Variants in MGAT4A observed in about 807,000 individuals in gnomAD.
MGAT4A encodes the protein alpha-1,3-mannosyl-glycoprotein 4-beta-N-acetylglucosaminyltransferase A.
In MGAT4A, 33 loss-of-function variants were observed where a neutral mutation model predicts 74.1. The ratio of observed to expected loss-of-function variants is 0.45; its 90% CI spans 0.34 to 0.60. The LOEUF (loss-of-function observed/expected upper bound fraction) is 0.60. MGAT4A is among the 20% of genes least tolerant of loss of function. The pLI is 0.02. For missense variants in MGAT4A, 479 were observed against 628.3 expected (o/e 0.76, Z 2.54); for synonymous variants, 198 against 210.4 (o/e 0.94, Z 0.51).
Position 98,675,092 on chromosome 2 carries a change from A to C in MGAT4A, c.346T>G (p.Leu116Val). ...GGTTGAAGACTTCCTTCATTTTTCA[A>C]TAAATGAGGCAAATGATAATAAATA... ...PSIYYHLPHL[L>V]KNEGSLQPAV... Residue 116 changes from leucine (L) to valine (V), a missense_variant, in exon 4 of 16, where the codon TTG becomes GTG. Transcript: ENST00000393487. The C allele has an allele frequency of 1.9e-6, 3 of 1,611,934 alleles. No individual in the cohort carries two copies. The highest frequency in any genetic ancestry group is 2.5e-6 in the Non-Finnish European group (3 of 1,179,394).
Position 98,624,900 on chromosome 2 carries a change from A to G in MGAT4A, c.*666T>C, listed in dbSNP as rs1391209045. On this transcript the variant is annotated 3_prime_UTR_variant, in exon 16 of 16. Transcript: ENST00000393487. Reference sequence around the variant, plus strand: ...AAATGTCTTTGAAAATATTTTGTTCAGTCACTGTGATTATAAAAGTACTTC... The same window carrying G: ...AAATGTCTTTGAAAATATTTTGTTCGGTCACTGTGATTATAAAAGTACTTC... 1 of 984,008 alleles carries G rather than the reference A, an allele frequency of 1.0e-6. No homozygotes were observed. The highest frequency in any genetic ancestry group is 1.7e-5 in the African/African-American group (1 of 57,200). 61.0% of individuals were successfully genotyped at this position (984,008 alleles called of 1,614,324 possible). A position where few individuals can be genotyped will look rare whatever the true frequency, so the allele number is the denominator to read the frequency against.
At chr2:98,717,078 G>A (rs1351932366) in intron 2 of MGAT4A, among the ~76,000 whole-genome samples, 1 of 151,940 alleles carries the variant, frequency 6.6e-6, no homozygotes, top group Admixed American at 6.6e-5. Context: ...AAATGTCGAG[G>A]ACATAAAAGA....
In MGAT4A at chr2:98,623,340, T is replaced by A; in HGVS notation, c.*2226A>T. ...AAATCACACCAGGTGCTGCAATAAC[T>A]TTCTCCTCCCTAGATTTTCAGAGCA... On this transcript the variant is annotated 3_prime_UTR_variant, in exon 16 of 16. Transcript: ENST00000393487. 1.0e-6 allele frequency: 1 copy of A among 985,436 alleles called. No homozygotes were observed. Among genetic ancestry groups the A allele is most frequent in the Non-Finnish European group, 1.2e-6 (1 of 829,956 alleles). The allele number at this position is 985,436 out of a possible 1,614,324, so 61.0% of individuals were successfully genotyped here.
intron 2 of MGAT4A, among the ~76,000 whole-genome samples, chr2:98,719,940 C>T (rs1702643838): frequency 6.6e-6 from 1 of 152,154 alleles, no homozygotes; most frequent in South Asian, 2.1e-4. Context: ...AGCCACCATG[C>T]CCAGCCAGGA....
intron 2 of MGAT4A, among the ~76,000 whole-genome samples, chr2:98,692,625 T>C (rs1702210611): frequency 6.6e-6 from 1 of 152,192 alleles, no homozygotes; most frequent in African/African-American, 2.4e-5. Context: ...TCGCCTTTTA[T>C]ACGGTATTTT....
intron 2 of MGAT4A, among the ~76,000 whole-genome samples, chr2:98,687,757 C>T (rs1702147912): frequency 6.6e-6 from 1 of 152,032 alleles, no homozygotes. Flanking sequence ...TTAAACAGTC[C>T]ACTCACTTGC....
At chr2:98,695,101 A>G (rs1023305910) in intron 2 of MGAT4A, 1 of 140,884 alleles carries the variant, frequency 7.1e-6, no homozygotes, top group Non-Finnish European at 1.5e-5. Context: ...CTGTAGTGCA[A>G]TCTCAGCTCA....
chr2:98,664,227 A>T lies in MGAT4A; in HGVS notation c.404-1048T>A, dbSNP rs947652200. Among the ~76,000 whole-genome samples, 21 of 148,192 alleles carry T rather than the reference A, an allele frequency of 1.4e-4. 1 individual carries two copies. The South Asian group carries it at 4.5e-3, about 31-fold the overall frequency. On this transcript the variant is annotated intron_variant, in intron 4 of 15. Transcript: ENST00000393487. ...AAAAAAAAAAAAAAAAAAAAAAAAA[A>T]AAAAGAGAAAACTTTGTGTACTATT...
chr2:98,661,895 A>G (rs1701754698), intron 5 of MGAT4A, among the ~76,000 whole-genome samples: 1 of 150,824 alleles, frequency 6.6e-6, no homozygotes, highest in Non-Finnish European at 1.5e-5. Flanking sequence ...AAGTCATATT[A>G]TTCTTGCCAA....
rs1701011810 is a variant in MGAT4A at position 98,619,400 on chromosome 2, A to T, written c.*6166T>A. ...TTAAGAAAAAAAAAAATCTGGTACA[A>T]CCTGGCAAGGAGATTCCTCAGGCAG... On this transcript the variant is annotated 3_prime_UTR_variant, in exon 16 of 16. Coordinates refer to ENST00000393487, the MANE Select transcript of MGAT4A (RefSeq NM_012214.3). 1 of 152,240 alleles carries T rather than the reference A, an allele frequency of 6.6e-6. No homozygotes were observed. Among genetic ancestry groups the T allele is most frequent in the Non-Finnish European group, 1.5e-5 (1 of 68,028 alleles). 9.4% of individuals were successfully genotyped at this position (152,240 alleles called of 1,614,324 possible).
intron 2 of MGAT4A, among the ~76,000 whole-genome samples, chr2:98,686,878 C>T (rs1362637861): frequency 6.6e-6 from 1 of 152,058 alleles, no homozygotes; most frequent in Non-Finnish European, 1.5e-5. Context: ...GTAAGTTCAT[C>T]GTGAAGTCCC....
At chr2:98,647,403 C>A (rs1269070422) in intron 8 of MGAT4A, among the ~76,000 whole-genome samples, 1 of 152,184 alleles carries the variant, frequency 6.6e-6, no homozygotes, top group Non-Finnish European at 1.5e-5. Flanking sequence ...TAACCTCTGC[C>A]TCTTGGGTTC....
chr2:98,666,886 G>C (rs1349083910), intron 4 of MGAT4A, among the ~76,000 whole-genome samples: 1 of 152,072 alleles, frequency 6.6e-6, no homozygotes, highest in African/African-American at 2.4e-5. Context: ...TTTGGTTTCC[G>C]TTTTGCTTTG....
At chr2:98,635,538 C>T (rs1273523132) in intron 13 of MGAT4A, among the ~76,000 whole-genome samples, 1 of 152,088 alleles carries the variant, frequency 6.6e-6, no homozygotes, top group African/African-American at 2.4e-5. Context: ...TTAAACAGAA[C>T]AGTATTTTCT....
chr2:98,678,493 TTATAG>T (rs1462085599), intron 2 of MGAT4A, 22 bp from the exon 3 acceptor site: 1 of 1,514,384 alleles, frequency 6.6e-7, no homozygotes, highest in East Asian at 2.3e-5. Context: ...ACCAAAACAG[TTATAG>T]TATATGTCTT....
chr2:98,650,456 A>G (rs2104251244), intron 8 of MGAT4A, among the ~76,000 whole-genome samples: 1 of 152,336 alleles, frequency 6.6e-6, no homozygotes, highest in South Asian at 2.1e-4. Flanking sequence ...GAAGTTGTCA[A>G]AAGTCACAAA....
intron 2 of MGAT4A, among the ~76,000 whole-genome samples, chr2:98,717,115 C>T (rs1702603410): frequency 6.6e-6 from 1 of 152,078 alleles, no homozygotes; most frequent in South Asian, 2.1e-4. Context: ...CATGGTGGCT[C>T]ACACCTGTAA....
chr2:98,622,116 T>C lies in MGAT4A; in HGVS notation c.*3450A>G. 2 of 985,432 alleles carry C rather than the reference T, an allele frequency of 2.0e-6. No individual in the cohort carries two copies. Among genetic ancestry groups the C allele is most frequent in the Non-Finnish European group, 2.4e-6 (2 of 829,898 alleles). The allele number at this position is 985,432 out of a possible 1,614,324, so 61.0% of individuals were successfully genotyped here. On this transcript the variant is annotated 3_prime_UTR_variant, in exon 16 of 16. Coordinates refer to ENST00000393487, the MANE Select transcript of MGAT4A (RefSeq NM_012214.3). ...ATCTTACATCTTAGAATCCTAGAAA[T>C]GGGTCCTCAGCTTTCTCTTCTCACC...
At chr2:98,667,370 G>A (rs538205845) in intron 4 of MGAT4A, among the ~76,000 whole-genome samples, 1 of 152,346 alleles carries the variant, frequency 6.6e-6, no homozygotes, top group African/African-American at 2.4e-5. Flanking sequence ...GGAACAGTTT[G>A]GAGGGCTCAG....
Sources: gnomAD v4.1 joint callset for allele counts (sites outside exome capture counted in the v4.1 genomes callset) on GRCh38, gnomAD v4.1.1 for gene constraint, MANE v1.5 for transcripts, NCBI Gene and HGNC (gene_info 2026-07-23, HGNC 2026-07-21) for gene names.